GABRB2: variants seen among roughly 807,000 people sequenced by gnomAD.
GABRB2 encodes the protein gamma-aminobutyric acid type A receptor subunit beta2.
Under a neutral mutation model 54.7 loss-of-function variants are expected in GABRB2, and 16 were observed. The ratio of observed to expected loss-of-function variants is 0.29; its 90% CI spans 0.20 to 0.44. GABRB2 has a LOEUF of 0.44. Among genes scored for constraint, GABRB2 ranks in the 20% least tolerant of loss-of-function variants. GABRB2 has a pLI of 1.00. For synonymous variants in GABRB2, 244 were observed against 233.8 expected, an observed-to-expected ratio of 1.04 and a Z score of -0.40; for missense variants, 355 against 644.0, an observed-to-expected ratio of 0.55 and a Z score of 4.86.
intron 3 of GABRB2, among the ~76,000 whole-genome samples, chr5:161,526,018 C>T (rs1307757384): frequency 6.6e-6 from 1 of 151,160 alleles, no homozygotes; most frequent in African/African-American, 2.4e-5. Flanking sequence ...TGAGCTTTTG[C>T]CTTCTTCTCA....
At position 161,455,562 on chromosome 5, in the gene GABRB2, G is replaced by A. The variant is rs544105788; in HGVS notation, c.458+4062C>T. ...TTTTTTTTTTTTGAGACAGGGTACGGCTCTGTCATCCAGGCTGTAGCGCAG... is the reference window on the plus strand; with the variant it reads ...TTTTTTTTTTTTGAGACAGGGTACGACTCTGTCATCCAGGCTGTAGCGCAG... On this transcript the variant is annotated intron_variant, in intron 4 of 9. Coordinates refer to ENST00000393959, the MANE Select transcript of GABRB2 (RefSeq NM_001371727.1). Among the ~76,000 whole-genome samples the A allele has an allele frequency of 5.9e-4, 88 of 148,772 alleles. 2 individuals are homozygous for A. The South Asian group carries it at 0.017, about 28-fold the overall frequency.
intron 4 of GABRB2, among the ~76,000 whole-genome samples, chr5:161,414,655 C>T (rs1023566787): frequency 2.6e-5 from 4 of 152,130 alleles, no homozygotes; most frequent in African/African-American, 9.6e-5. Context: ...TCAGGAGCCA[C>T]ATCTGTTCTG....
At chr5:161,361,238 A>G (rs958704043) in intron 5 of GABRB2, among the ~76,000 whole-genome samples, 1 of 152,106 alleles carries the variant, frequency 6.6e-6, no homozygotes, top group Non-Finnish European at 1.5e-5. Flanking sequence ...ATATCTAAAT[A>G]TATAGGAACA....
At chr5:161,300,588 G>A (rs1388695443) in intron 9 of GABRB2, among the ~76,000 whole-genome samples, 1 of 152,180 alleles carries the variant, frequency 6.6e-6, no homozygotes, top group Non-Finnish European at 1.5e-5. Context: ...ACCTGACTCA[G>A]GTAGTGGTTT....
chr5:161,534,125 A>G (rs181064768), intron 3 of GABRB2, among the ~76,000 whole-genome samples: 2 of 152,138 alleles, frequency 1.3e-5, no homozygotes, highest in Admixed American at 1.3e-4. Flanking sequence ...GCACAGCACA[A>G]TTTTTTACAA....
chr5:161,537,196 C>T (rs1432604795), intron 3 of GABRB2, among the ~76,000 whole-genome samples: 2 of 152,218 alleles, frequency 1.3e-5, no homozygotes, highest in Non-Finnish European at 2.9e-5. Flanking sequence ...CTGTCTTCCA[C>T]TATCTAAAAT....
intron 3 of GABRB2, among the ~76,000 whole-genome samples, chr5:161,540,551 C>G (rs975249536): frequency 6.6e-6 from 1 of 152,134 alleles, no homozygotes; most frequent in Non-Finnish European, 1.5e-5. Flanking sequence ...TTAATGGTAT[C>G]TAGAATGTGA....
At chr5:161,537,995 G>T (rs73303275) in intron 3 of GABRB2, among the ~76,000 whole-genome samples, 1 of 151,532 alleles carries the variant, frequency 6.6e-6, no homozygotes, top group African/African-American at 2.4e-5. Flanking sequence ...CACCTGACTC[G>T]TTTCCATGTA....
intron 4 of GABRB2, among the ~76,000 whole-genome samples, chr5:161,411,498 A>G (rs1198172752): frequency 6.6e-6 from 1 of 152,016 alleles, no homozygotes; most frequent in African/African-American, 2.4e-5. Flanking sequence ...TTGATCCATC[A>G]TTTTTCACCT....
intron 3 of GABRB2, among the ~76,000 whole-genome samples, chr5:161,491,771 G>C (rs892457610): frequency 2.0e-5 from 3 of 151,644 alleles, no homozygotes; most frequent in African/African-American, 7.3e-5. Flanking sequence ...TTATGTCTTA[G>C]AGCAAATTAA....
Position 161,406,009 on chromosome 5 carries a change from C to A in GABRB2, c.541+4966G>T, listed in dbSNP as rs541359918. Among the ~76,000 whole-genome samples, 8 of 152,158 alleles carry A rather than the reference C, an allele frequency of 5.3e-5. No homozygotes were observed. The South Asian group carries it at 1.2e-3, about 24-fold the overall frequency. On this transcript the variant is annotated intron_variant, in intron 5 of 9. Coordinates refer to ENST00000393959, the MANE Select transcript of GABRB2 (RefSeq NM_001371727.1). ...CTGCCTTCCTAAAGCATGGTGCATA[C>A]GCTAAGAAGAAGAGATGCTTGTACC...
intron 3 of GABRB2, among the ~76,000 whole-genome samples, chr5:161,508,785 A>AT (rs1759680368): frequency 6.6e-6 from 1 of 151,990 alleles, no homozygotes; most frequent in African/African-American, 2.4e-5. Context: ...TGTAGGCCAA[A>AT]TTATTTCTCC....
intron 9 of GABRB2, among the ~76,000 whole-genome samples, chr5:161,298,593 C>T (rs7709316): frequency 0.13 from 19,601 of 152,214 alleles, 1,778 homozygotes; most frequent in African/African-American, 0.22. Flanking sequence ...CAACACCAGC[C>T]TAAAGACTGG....
At chr5:161,315,878 A>C in intron 9 of GABRB2, among the ~76,000 whole-genome samples, 1 of 152,336 alleles carries the variant, frequency 6.6e-6, no homozygotes, top group Non-Finnish European at 1.5e-5. Flanking sequence ...TCCGAAGCAC[A>C]TTAAATTGTT....
rs1759988089 is a variant in GABRB2, at chr5:161,517,648, G to T, written c.237+27579C>A. 3.9e-5 allele frequency among the ~76,000 whole-genome samples: 6 copies of T among 152,298 alleles called. No homozygotes were observed. In the South Asian group the frequency reaches 1.2e-3, roughly 32 times the overall value. On this transcript the variant is annotated intron_variant, in intron 3 of 9. Coordinates refer to ENST00000393959, the MANE Select transcript of GABRB2 (RefSeq NM_001371727.1). ...CCGCTATTGCAGTGGTCCACCGCCTGCATTACTGCATCATGTGCCCAAAAG... is the reference window on the plus strand; with the variant it reads ...CCGCTATTGCAGTGGTCCACCGCCTTCATTACTGCATCATGTGCCCAAAAG...
chr5:161,537,277 G>A (rs981855359), intron 3 of GABRB2, among the ~76,000 whole-genome samples: 1 of 152,046 alleles, frequency 6.6e-6, no homozygotes, highest in African/African-American at 2.4e-5. Flanking sequence ...TATTCACAAA[G>A]TTAGAAGCAC....
At chr5:161,531,099 T>C (rs2113454191) in intron 3 of GABRB2, among the ~76,000 whole-genome samples, 1 of 152,266 alleles carries the variant, frequency 6.6e-6, no homozygotes, top group East Asian at 1.9e-4. Context: ...AGTATCTAAA[T>C]TGTGTTTTTT....
intron 4 of GABRB2, among the ~76,000 whole-genome samples, chr5:161,440,531 A>G (rs904739828): frequency 6.6e-6 from 1 of 152,202 alleles, no homozygotes; most frequent in African/African-American, 2.4e-5. Flanking sequence ...TAGCAAGAGG[A>G]TATAATAATT....
At chr5:161,443,053 A>G (rs1757512102) in intron 4 of GABRB2, among the ~76,000 whole-genome samples, 1 of 152,136 alleles carries the variant, frequency 6.6e-6, no homozygotes, top group African/African-American at 2.4e-5. Context: ...TCTCCTGAAC[A>G]TAAAATTGTG....
Sources: allele counts gnomAD v4.1 joint callset (sites outside exome capture counted in the v4.1 genomes callset), GRCh38; gene constraint gnomAD v4.1.1; transcripts MANE v1.5; gene names NCBI Gene and HGNC (gene_info 2026-07-23, HGNC 2026-07-21).